The following KDM2B variants were observed in gnomAD, a reference collection of about 807,000 sequenced individuals.
The protein encoded by KDM2B is lysine-specific demethylase 2B.
Under a neutral mutation model 150.0 loss-of-function variants are expected in KDM2B, and 26 were observed. The observed-to-expected ratio is 0.17, with a 90% CI of 0.13 to 0.24. KDM2B has a LOEUF of 0.24. Ranked by LOEUF, KDM2B falls within the 10% of genes least tolerant of loss-of-function variation. The pLI is 1.00. For missense variants in KDM2B, 1,265 were observed against 1,816.9 expected, an observed-to-expected ratio of 0.70 and a Z score of 5.52; for synonymous variants, 734 against 729.5, an observed-to-expected ratio of 1.01 and a Z score of -0.10.
rs782349206 is a variant in KDM2B at position 121,453,079 on chromosome 12, G to A, written c.1959+41C>T. Reference sequence around the variant, plus strand: ...TCAGACACGCGGGCCGGCACGCAGGGGCCTGAATCGAGCGCAGGGCTGGGC... The same window carrying A: ...TCAGACACGCGGGCCGGCACGCAGGAGCCTGAATCGAGCGCAGGGCTGGGC... On this transcript the variant is annotated intron_variant, in intron 13 of 22. Coordinates refer to ENST00000377071, the MANE Select transcript of KDM2B (RefSeq NM_032590.5). This position sits in a 1 kb window ranked among gnomAD's most constrained non-coding sequence, Gnocchi z 6.4. 8 of 1,530,630 alleles carry A rather than the reference G, an allele frequency of 5.2e-6. No individual in the cohort carries two copies. The highest frequency in any genetic ancestry group is 2.7e-5 in the African/African-American group (2 of 73,286). The allele number at this position is 1,530,630 out of a possible 1,614,324, so 94.8% of individuals were successfully genotyped here.
At chr12:121,482,212 A>G (rs781881799) in intron 12 of KDM2B, among the ~76,000 whole-genome samples, 63 of 152,200 alleles carry the variant, frequency 4.1e-4, no homozygotes, top group Non-Finnish European at 7.6e-4. Context: ...TGGTTCTAAA[A>G]CAGACAATGC....
chr12:121,517,410 G>A (rs1313456397), intron 9 of KDM2B, among the ~76,000 whole-genome samples: 7 of 151,882 alleles, frequency 4.6e-5, no homozygotes, highest in African/African-American at 1.7e-4. Context: ...GGGAACCCTG[G>A]GGTTCCCTAG....
chr12:121,481,764 TTTG>T (rs1167332577), intron 12 of KDM2B, among the ~76,000 whole-genome samples: 3 of 29,002 alleles, frequency 1.0e-4, no homozygotes, highest in African/African-American at 6.6e-4. Flanking sequence ...TAGGGTTTTT[TTTG>T]TTTGTTTGTT....
At position 121,533,024 on chromosome 12, in the gene KDM2B, C is replaced by G; in HGVS notation, c.778-65G>C. The G allele has an allele frequency of 6.4e-7, 1 of 1,568,224 alleles. No individual in the cohort carries two copies. The highest frequency in any genetic ancestry group is 8.7e-7 in the Non-Finnish European group (1 of 1,144,022). ...CCAGACAAGACCCAGAGAGAGGGCC[C>G]CACCTGCCTGGCGGAAGGGGAGGGG... On this transcript the variant is annotated intron_variant, in intron 7 of 22. Coordinates refer to ENST00000377071, the MANE Select transcript of KDM2B (RefSeq NM_032590.5). This position sits in a 1 kb window ranked among gnomAD's most constrained non-coding sequence, Gnocchi z 4.1.
At chr12:121,412,992 T>G in the KDM2B span, among the ~76,000 whole-genome samples, 4 of 151,842 alleles carry the variant, frequency 2.6e-5, no homozygotes, top group Non-Finnish European at 5.9e-5. Flanking sequence ...GTGCTGGGAT[T>G]ACAGGCATGA....
Position 121,549,716 on chromosome 12 carries a change from A to G in KDM2B, c.398-78T>C, listed in dbSNP as rs2142009144. On this transcript the variant is annotated intron_variant, in intron 4 of 22. Coordinates refer to ENST00000377071, the MANE Select transcript of KDM2B (RefSeq NM_032590.5). This position sits in a 1 kb window ranked among gnomAD's most constrained non-coding sequence, Gnocchi z 4.4. ...CCTACATGGGAGCCCCTCACTAAAC[A>G]AAAGCTGCTCCTCCACGTTTCCCCA... 7.4e-7 allele frequency: 1 copy of G among 1,345,390 alleles called. No individual in the cohort carries two copies. The highest frequency in any genetic ancestry group is 2.4e-5 in the East Asian group (1 of 41,320). The allele number at this position is 1,345,390 out of a possible 1,614,324, so 83.3% of individuals were successfully genotyped here.
At position 121,444,089 on chromosome 12, in the gene KDM2B, G is replaced by A. The variant is rs782625021; in HGVS notation, c.2374C>T (p.Arg792Cys). The change falls in exon 16 of 23, where the codon CGC (arginine) becomes TGC (cysteine). Residue 792 changes from arginine to cysteine, a missense_variant. Physicochemically the swap from Arg to Cys is radical, Grantham distance 180. Around this residue, in one of 11 missense-constraint regions of KDM2B, gnomAD observed 418 missense variants for 402.4 expected, o/e 1.04. Coordinates refer to ENST00000377071, the MANE Select transcript of KDM2B (RefSeq NM_032590.5). ...AGGTGCACGTCGTCAGACTTTCTGC[G>A]CAGAAGGCCGTCCGGCGGCACCTTC... The part of the protein sequence containing the change: ...SKKVPPDGLL[R>C]RKSDDVHLRK... The A allele has an allele frequency of 9.3e-6, 15 of 1,613,844 alleles. No individual in the cohort carries two copies. Among genetic ancestry groups the A allele is most frequent in the Non-Finnish European group, 1.1e-5 (13 of 1,180,044 alleles).
intron 12 of KDM2B, among the ~76,000 whole-genome samples, chr12:121,476,017 C>T (rs932684529): frequency 5.9e-5 from 9 of 151,370 alleles, no homozygotes; most frequent in South Asian, 2.1e-4. Flanking sequence ...AAAAAATGCC[C>T]GGCACGGTGG....
At chr12:121,457,993 G>C (rs1487138845) in intron 12 of KDM2B, among the ~76,000 whole-genome samples, 1 of 152,046 alleles carries the variant, frequency 6.6e-6, no homozygotes, top group Non-Finnish European at 1.5e-5. Context: ...TAAATTAAAG[G>C]AAAGACATCC....
chr12:121,560,763 A>G (rs1890278650), intron 4 of KDM2B, among the ~76,000 whole-genome samples: 1 of 152,176 alleles, frequency 6.6e-6, no homozygotes, highest in African/African-American at 2.4e-5. Context: ...AACCAGGCAC[A>G]CAGGCTGAGT....
At chr12:121,528,436 G>A (rs1008563344) in intron 8 of KDM2B, among the ~76,000 whole-genome samples, 2 of 152,142 alleles carry the variant, frequency 1.3e-5, no homozygotes, top group Admixed American at 1.3e-4. Flanking sequence ...GCGTACGCTT[G>A]TAATCCCAGC....
intron 4 of KDM2B, among the ~76,000 whole-genome samples, chr12:121,557,218 A>G (rs1889964411): frequency 6.7e-6 from 1 of 148,946 alleles, no homozygotes; most frequent in South Asian, 2.1e-4. Context: ...GGTAGGCCTA[A>G]TAAGACAAGA....
At chr12:121,466,508 C>CTT (rs1409773678) in intron 12 of KDM2B, among the ~76,000 whole-genome samples, 11 of 151,956 alleles carry the variant, frequency 7.2e-5, no homozygotes, top group African/African-American at 2.7e-4. Context: ...GGGGTCGCGG[C>CTT]TTCCTCCGCC....
chr12:121,528,413 G>C (rs548617975), intron 8 of KDM2B, among the ~76,000 whole-genome samples: 112 of 152,130 alleles, frequency 7.4e-4, no homozygotes, highest in African/African-American at 2.6e-3. Flanking sequence ...ACAAAAGTTA[G>C]CCGGGCCCGG....
intron 11 of KDM2B, 113 bp from the exon 12 acceptor site, chr12:121,494,778 G>T: frequency 1.4e-6 from 1 of 711,560 alleles, no homozygotes; most frequent in Non-Finnish European, 2.2e-6. Flanking sequence ...TCAGCGCCTG[G>T]CCATTGACTC....
chr12:121,531,451 T>C (rs75074637), intron 8 of KDM2B, among the ~76,000 whole-genome samples: 2,815 of 152,254 alleles, frequency 0.018, 45 homozygotes, highest in Non-Finnish European at 0.028. Context: ...AGAAACATCT[T>C]GGTGGCCTCA....
intron 11 of KDM2B, among the ~76,000 whole-genome samples, chr12:121,499,122 T>TC (rs1309458455): frequency 1.3e-5 from 2 of 149,792 alleles, no homozygotes; most frequent in African/African-American, 4.9e-5. Flanking sequence ...TTTTTTTTTT[T>TC]TTTTTTGAGA....
At chr12:121,426,674 G>A (rs913399102), downstream of KDM2B, among the ~76,000 whole-genome samples, 1 of 140,510 alleles carries the variant, frequency 7.1e-6, no homozygotes, top group Non-Finnish European at 1.5e-5. Flanking sequence ...TGCCCAGGCT[G>A]AAGTTCAATG....
intron 4 of KDM2B, among the ~76,000 whole-genome samples, chr12:121,560,352 G>A (rs1555313676): frequency 6.6e-6 from 1 of 152,166 alleles, no homozygotes; most frequent in Non-Finnish European, 1.5e-5. Flanking sequence ...GTAAAGGCAG[G>A]AAGAAACTGA....
Sources: allele counts gnomAD v4.1 joint callset (sites outside exome capture counted in the v4.1 genomes callset), GRCh38; gene constraint gnomAD v4.1.1; regional missense constraint gnomAD v4.1.1; non-coding constraint Gnocchi (gnomAD v3.1); transcripts MANE v1.5; gene names NCBI Gene and HGNC (gene_info 2026-07-23, HGNC 2026-07-21).